The following UMAD1 variants were observed in gnomAD, a reference collection of about 807,000 sequenced individuals.
The protein encoded by UMAD1 is UBAP1-MVB12-associated (UMA)-domain containing protein 1.
A neutral mutation model predicts 6.1 loss-of-function variants in UMAD1; 8 were observed. The ratio of observed to expected loss-of-function variants is 1.30; its 90% CI spans 0.76 to 2.35. The LOEUF is 2.35. UMAD1 is among the 30% of genes most tolerant of loss of function. The pLI is 0.00. For missense variants in UMAD1, 130 were observed against 78.4 expected, an observed-to-expected ratio of 1.66 and a Z score of -2.49; for synonymous variants, 56 against 31.4, an observed-to-expected ratio of 1.78 and a Z score of -2.61.
At chr7:7,764,393 A>G (rs1314207192) in intron 2 of UMAD1, among the ~76,000 whole-genome samples, 1 of 152,216 alleles carries the variant, frequency 6.6e-6, no homozygotes, top group Non-Finnish European at 1.5e-5. Context: ...AAAAAATAAA[A>G]TATCTTTGCT....
intron 2 of UMAD1, among the ~76,000 whole-genome samples, chr7:7,782,649 A>T (rs1782369498): frequency 6.6e-6 from 1 of 152,064 alleles, no homozygotes; most frequent in Non-Finnish European, 1.5e-5. Context: ...AGAAAATAAT[A>T]CTTTAATCCT....
intron 2 of UMAD1, chr7:7,686,009 A>T (rs1488607391): frequency 2.0e-5 from 3 of 152,232 alleles, no homozygotes; most frequent in African/African-American, 7.2e-5. Context: ...CTAGTGAAAC[A>T]GAATTTTGGG....
intron 2 of UMAD1, among the ~76,000 whole-genome samples, chr7:7,683,359 G>T (rs1779959471): frequency 6.6e-6 from 1 of 152,132 alleles, no homozygotes; most frequent in Admixed American, 6.5e-5. Context: ...TTCTCCAGAT[G>T]ATTCTAGAGT....
rs540505038 is a variant in UMAD1, at chr7:7,674,115, G to A, written c.82+662G>A. 3.9e-5 allele frequency among the ~76,000 whole-genome samples: 6 copies of A among 152,116 alleles called. No individual in the cohort carries two copies. In the South Asian group the frequency reaches 1.0e-3, roughly 26 times the overall value. Reference sequence around the variant, plus strand: ...AAATTCTCTTTCCAAAGTATGGTGTGGGGTAGTCAAACCCAGTGTTTCCTT... The same window carrying A: ...AAATTCTCTTTCCAAAGTATGGTGTAGGGTAGTCAAACCCAGTGTTTCCTT... On this transcript the variant is annotated intron_variant, in intron 2 of 3. Transcript: ENST00000682710.
chr7:7,759,354 A>G (rs1378666443), intron 2 of UMAD1, among the ~76,000 whole-genome samples: 1 of 152,198 alleles, frequency 6.6e-6, no homozygotes, highest in Non-Finnish European at 1.5e-5. Context: ...ATTTTAAAGT[A>G]TGTTGTCTAC....
intron 3 of UMAD1, among the ~76,000 whole-genome samples, chr7:7,807,823 T>G (rs1157530890): frequency 5.3e-5 from 8 of 152,096 alleles, no homozygotes; most frequent in Non-Finnish European, 1.0e-4. Context: ...AAGTAGTGTT[T>G]GTCTCTTCTT....
chr7:7,779,759 C>T (rs1422596686), intron 2 of UMAD1, among the ~76,000 whole-genome samples: 1 of 152,146 alleles, frequency 6.6e-6, no homozygotes, highest in Admixed American at 6.5e-5. Context: ...ATCTTCCCAC[C>T]TCAGCCTCTA....
At chr7:7,844,458 G>T (rs6969079) in intron 3 of UMAD1, among the ~76,000 whole-genome samples, 95,212 of 151,866 alleles carry the variant, frequency 0.63, 30,353 homozygotes, top group Middle Eastern at 0.77. Context: ...ATTGTTAGTA[G>T]GTCCTCTTAA....
chr7:7,656,558 CAT>C (rs1446656614), intron 1 of UMAD1, among the ~76,000 whole-genome samples: 2 of 150,356 alleles, frequency 1.3e-5, no homozygotes, highest in Non-Finnish European at 3.0e-5. Context: ...TAAGTGAAAA[CAT>C]GTGGTGTTTG....
At chr7:7,648,306 C>G (rs1270498112) in intron 1 of UMAD1, among the ~76,000 whole-genome samples, 3 of 152,170 alleles carry the variant, frequency 2.0e-5, no homozygotes, top group Admixed American at 2.0e-4. Context: ...CTTAAGTTTT[C>G]TCCAGTAAAC....
At position 7,664,414 on chromosome 7, in the gene UMAD1, G is replaced by A. The variant is rs181370281; in HGVS notation, c.-63-8895G>A. On this transcript the variant is annotated intron_variant, in intron 1 of 3. Coordinates refer to ENST00000682710, the MANE Select transcript of UMAD1 (RefSeq NM_001302348.2). ...TTTGCTCAAGACTCCAGACTGCCCA[G>A]TAATGTCCAACAAATCCTGTTTTGC... 1.5e-3 allele frequency among the ~76,000 whole-genome samples: 230 copies of A among 152,266 alleles called. 2 individuals are homozygous for A. The highest frequency in any genetic ancestry group is 5.1e-3 in the African/African-American group (211 of 41,560).
chr7:7,735,109 T>C (rs1781326315), intron 2 of UMAD1, among the ~76,000 whole-genome samples: 1 of 152,058 alleles, frequency 6.6e-6, no homozygotes, highest in Non-Finnish European at 1.5e-5. Context: ...TAAGTTACAG[T>C]TTAATAAACA....
intron 1 of UMAD1, among the ~76,000 whole-genome samples, chr7:7,645,249 C>A (rs1785067520): frequency 6.6e-6 from 1 of 152,058 alleles, no homozygotes; most frequent in Non-Finnish European, 1.5e-5. Flanking sequence ...GCCTTCAGTA[C>A]CATTTTGAAT....
rs376178272 is a variant in UMAD1, at chr7:7,754,349, G to A, written c.83-47321G>A. Reference sequence around the variant, plus strand: ...TTGTAATTTTTGTTGCATTTCTCTGGTGATCAGTGATGTTGAGTACCTTTT... The same window carrying A: ...TTGTAATTTTTGTTGCATTTCTCTGATGATCAGTGATGTTGAGTACCTTTT... On this transcript the variant is annotated intron_variant, in intron 2 of 3. Coordinates refer to ENST00000682710, the MANE Select transcript of UMAD1 (RefSeq NM_001302348.2). Among the ~76,000 whole-genome samples, 130 of 152,218 alleles carry A rather than the reference G, an allele frequency of 8.5e-4. 2 individuals carry two copies. The highest frequency in any genetic ancestry group is 3.0e-3 in the African/African-American group (124 of 41,534).
intron 2 of UMAD1, among the ~76,000 whole-genome samples, chr7:7,719,513 C>G (rs113676573): frequency 6.6e-6 from 1 of 152,234 alleles, no homozygotes; most frequent in African/African-American, 2.4e-5. Flanking sequence ...ATGATGCAAT[C>G]TGATTATACT....
intron 2 of UMAD1, among the ~76,000 whole-genome samples, chr7:7,750,615 T>A (rs1781660345): frequency 6.6e-6 from 1 of 152,236 alleles, no homozygotes; most frequent in Non-Finnish European, 1.5e-5. Flanking sequence ...TGTAAGGCAC[T>A]GTTCTAAGTA....
chr7:7,670,346 G>A (rs575929170), intron 1 of UMAD1, among the ~76,000 whole-genome samples: 1 of 152,034 alleles, frequency 6.6e-6, no homozygotes, highest in Admixed American at 6.5e-5. Flanking sequence ...CTTCGTAAAG[G>A]GTCTCTCTAT....
chr7:7,797,081 G>C (rs1305829538), intron 2 of UMAD1, among the ~76,000 whole-genome samples: 2 of 152,176 alleles, frequency 1.3e-5, no homozygotes, highest in Non-Finnish European at 2.9e-5. Context: ...TCTACAGGAA[G>C]CATGATGCTG....
intron 2 of UMAD1, among the ~76,000 whole-genome samples, chr7:7,780,450 G>A (rs1250905451): frequency 6.6e-6 from 1 of 152,232 alleles, no homozygotes; most frequent in African/African-American, 2.4e-5. Context: ...TTTAATATTA[G>A]GGACTTTCTT....
Sources: allele counts gnomAD v4.1 joint callset (sites outside exome capture counted in the v4.1 genomes callset), GRCh38; gene constraint gnomAD v4.1.1; transcripts MANE v1.5; gene names NCBI Gene and HGNC (gene_info 2026-07-23, HGNC 2026-07-21).